The following PINX1 variants were observed in gnomAD, a reference collection of about 807,000 sequenced individuals.
PINX1 encodes the protein PIN2 (TERF1) interacting telomerase inhibitor 1.
In PINX1, 34 loss-of-function variants were observed where a neutral mutation model predicts 25.4. The ratio of observed to expected loss-of-function variants is 1.34; its 90% confidence interval spans 1.02 to 1.78. The LOEUF (loss-of-function observed/expected upper bound fraction) is 1.78. Among genes scored for constraint, PINX1 ranks in the 40% most tolerant of loss-of-function variants. The pLI, the probability that PINX1 is intolerant of heterozygous loss-of-function variation, is 0.00. For synonymous variants in PINX1, 197 were observed against 147.7 expected (o/e 1.33, Z -2.42); for missense variants, 592 against 404.9 (o/e 1.46, Z -3.97).
rs568573460 is a variant in PINX1, at chr8:10,785,994, T to C, written c.472-20078A>G. Among the ~76,000 whole-genome samples, 14 of 152,372 alleles carry C rather than the reference T, an allele frequency of 9.2e-5. No homozygotes were observed. In the South Asian group the frequency reaches 2.9e-3, roughly 32 times the overall value. On this transcript the variant is annotated intron_variant, in intron 6 of 6. Coordinates refer to ENST00000314787, the MANE Select transcript of PINX1 (RefSeq NM_017884.6). The stretch of plus-strand genomic sequence containing the variant: ...ATCACTACCAGATTAAGGGAGTTTA[T>C]GTGGCGAGCGCAGAGCTAGACCACG...
chr8:10,791,077 T>C (rs982891785), intron 6 of PINX1, among the ~76,000 whole-genome samples: 1 of 152,090 alleles, frequency 6.6e-6, no homozygotes, highest in Non-Finnish European at 1.5e-5. Flanking sequence ...CACACCTGGC[T>C]AATTTTTTGT....
At chr8:10,802,561 C>T (rs1802302331) in intron 6 of PINX1, among the ~76,000 whole-genome samples, 1 of 152,170 alleles carries the variant, frequency 6.6e-6, no homozygotes, top group Non-Finnish European at 1.5e-5. Flanking sequence ...CAACAAAAAC[C>T]TATTGGTTAC....
chr8:10,777,563 G>C (rs72549118), intron 6 of PINX1, among the ~76,000 whole-genome samples: 1 of 152,208 alleles, frequency 6.6e-6, no homozygotes, highest in African/African-American at 2.4e-5. Flanking sequence ...TGTGCGAGTG[G>C]CTTGGGGACT....
chr8:10,825,415 T>C (rs762613176), intron 5 of PINX1: 2 of 534,796 alleles, frequency 3.7e-6, no homozygotes, highest in Middle Eastern at 3.2e-4. Flanking sequence ...GTAAACTATG[T>C]AATAAGTAGG....
At chr8:10,778,491 C>G (rs1480528375) in intron 6 of PINX1, among the ~76,000 whole-genome samples, 1 of 152,134 alleles carries the variant, frequency 6.6e-6, no homozygotes, top group East Asian at 1.9e-4. Context: ...CTGTAGGGTT[C>G]AAGTGAGAGG....
chr8:10,790,950 T>C (rs1801903827), intron 6 of PINX1, among the ~76,000 whole-genome samples: 1 of 152,174 alleles, frequency 6.6e-6, no homozygotes, highest in African/African-American at 2.4e-5. Context: ...TATCCCACCG[T>C]TGCCTCGGCT....
chr8:10,765,311 G>C lies in PINX1; in HGVS notation c.*90C>G. On this transcript the variant is annotated 3_prime_UTR_variant, in exon 7 of 7. Coordinates refer to ENST00000314787, the MANE Select transcript of PINX1 (RefSeq NM_017884.6). ...CACAAGATGCGCCCAGGCGCTCTGG[G>C]GTGAACTCTGCTGTGACTTCAGGCC... The C allele has an allele frequency of 2.4e-6, 3 of 1,264,324 alleles. No homozygotes were observed. The highest frequency in any genetic ancestry group is 2.1e-6 in the Non-Finnish European group (2 of 936,978). The allele number at this position is 1,264,324 out of a possible 1,614,324, so 78.3% of individuals were successfully genotyped here.
rs35663006 is a variant in PINX1 at position 10,765,866 on chromosome 8, G to A, written c.522C>T (p.Ser174=). Residue 174 remains serine, a synonymous_variant, in exon 7 of 7, where the codon AGC becomes AGT. Coordinates refer to ENST00000314787, the MANE Select transcript of PINX1 (RefSeq NM_017884.6). ...CAAAGTACTCCTGGATGGTGAAGGCGCTGGTTGTCGTGGTTTCGTTCTCCT... is the reference window on the plus strand; with the variant it reads ...CAAAGTACTCCTGGATGGTGAAGGCACTGGTTGTCGTGGTTTCGTTCTCCT... ...TPEENETTTT[S]AFTIQEYFAK... is the part of the protein sequence containing the mutation. 44 of 1,613,742 alleles carry A rather than the reference G, an allele frequency of 2.7e-5. No homozygotes were observed. The highest frequency in any genetic ancestry group is 5.0e-5 in the Admixed American group (3 of 60,002).
intron 6 of PINX1, among the ~76,000 whole-genome samples, chr8:10,774,606 A>G (rs1051059082): frequency 8.5e-5 from 13 of 152,242 alleles, no homozygotes; most frequent in African/African-American, 2.9e-4. Context: ...AGAGAATAAA[A>G]TATTCATTTT....
Position 10,786,313 on chromosome 8 carries a change from C to G in PINX1, c.472-20397G>C, listed in dbSNP as rs1039115206. Among the ~76,000 whole-genome samples, 9 of 152,142 alleles carry G rather than the reference C, an allele frequency of 5.9e-5. 1 individual carries two copies. The highest frequency in any genetic ancestry group is 1.9e-4 in the African/African-American group (8 of 41,434). On this transcript the variant is annotated intron_variant, in intron 6 of 6. Transcript: ENST00000314787. ...TGAAGCCAATACAAAAGTGAAGAGG[C>G]CTTCCTATTCTCTTGCATGGTTGGC... is the stretch of plus-strand genomic sequence containing the variant.
chr8:10,787,967 C>T (rs748608194), intron 6 of PINX1: 3 of 364,364 alleles, frequency 8.2e-6, no homozygotes, highest in East Asian at 7.4e-5. Context: ...ACTGGGGAAA[C>T]TTGAACATTG....
chr8:10,800,799 A>C (rs1802242465), intron 6 of PINX1, among the ~76,000 whole-genome samples: 1 of 152,222 alleles, frequency 6.6e-6, no homozygotes. Flanking sequence ...TTAATGTTAC[A>C]CTAGCCCCAA....
chr8:10,771,515 G>A (rs1363303109), intron 6 of PINX1: 1 of 152,146 alleles, frequency 6.6e-6, no homozygotes, highest in Non-Finnish European at 1.5e-5. Flanking sequence ...TCTTCCCAAG[G>A]AAACAAGTTT....
At chr8:10,783,716 C>T (rs1373440265) in intron 6 of PINX1, among the ~76,000 whole-genome samples, 1 of 152,110 alleles carries the variant, frequency 6.6e-6, no homozygotes, top group Non-Finnish European at 1.5e-5. Flanking sequence ...GCAAGAAAAA[C>T]ATCTGAGTTA....
chr8:10,835,436 T>C (rs376079139), intron 1 of PINX1, among the ~76,000 whole-genome samples: 3 of 152,184 alleles, frequency 2.0e-5, no homozygotes, highest in East Asian at 3.8e-4. Flanking sequence ...ATTCACAACA[T>C]ACAATAGTCA....
chr8:10,800,105 C>T (rs1802219385), intron 6 of PINX1, among the ~76,000 whole-genome samples: 1 of 152,164 alleles, frequency 6.6e-6, no homozygotes, highest in Non-Finnish European at 1.5e-5. Flanking sequence ...GATTGTTTTC[C>T]TTCTCAGTTT....
At chr8:10,827,554 GAAGA>G (rs891203496) in intron 4 of PINX1, among the ~76,000 whole-genome samples, 2 of 151,958 alleles carry the variant, frequency 1.3e-5, no homozygotes, top group African/African-American at 4.8e-5. Flanking sequence ...ATCATAGGCA[GAAGA>G]GAGACTAAAT....
chr8:10,833,656 CGGGAGG>C (rs1798299278), intron 2 of PINX1: 1 of 39,736 alleles, frequency 2.5e-5, no homozygotes, highest in Non-Finnish European at 5.1e-5. Flanking sequence ...GACTGGGGTG[CGGGAGG>C]CTGGAGAAGA....
chr8:10,773,836 G>A (rs758120100), intron 6 of PINX1, among the ~76,000 whole-genome samples: 1 of 152,186 alleles, frequency 6.6e-6, no homozygotes, highest in Non-Finnish European at 1.5e-5. Flanking sequence ...AGAAAGAGGA[G>A]CAGGCTTCCT....
Sources: gnomAD v4.1 joint callset for allele counts (sites outside exome capture counted in the v4.1 genomes callset) on GRCh38, gnomAD v4.1.1 for gene constraint, MANE v1.5 for transcripts, NCBI Gene and HGNC (gene_info 2026-07-23, HGNC 2026-07-21) for gene names.